HMGB1: variants seen among roughly 807,000 people sequenced by gnomAD.
HMGB1 encodes high mobility group protein B1.
For synonymous variants in HMGB1, 81 were observed against 84.0 expected (o/e 0.96, Z 0.19); for missense variants, 79 against 253.5 (o/e 0.31, Z 4.67).
In HMGB1 at chr13:30,463,694, T is replaced by C. The variant is rs200537410; in HGVS notation, c.-14A>G. ...TCCTTTGCCCATGTTTAGTTATTTTTCTAAAAAATAAAATAAATATTTGAT... is the reference window on the plus strand; with the variant it reads ...TCCTTTGCCCATGTTTAGTTATTTTCCTAAAAAATAAAATAAATATTTGAT... On this transcript the variant is annotated splice_region_variant and 5_prime_UTR_variant, in exon 2 of 5. Coordinates refer to ENST00000341423, the MANE Select transcript of HMGB1 (RefSeq NM_002128.7). 104 of 1,528,490 alleles carry C rather than the reference T, an allele frequency of 6.8e-5. No homozygotes were observed. Among genetic ancestry groups the C allele is most frequent in the African/African-American group, 1.4e-5 (1 of 71,868 alleles). The allele number at this position is 1,528,490 out of a possible 1,614,324, so 94.7% of individuals were successfully genotyped here. A position where few individuals can be genotyped will look rare whatever the true frequency, so the allele number is the denominator to read the frequency against.
At position 30,594,406 on chromosome 13, in the gene HMGB1, T is replaced by C. The variant is rs752938087; in HGVS notation, c.-15+22265A>G. On this transcript the variant is annotated intron_variant, in intron 1 of 4. Transcript: ENST00000405805. ...CCCTCCTTGCTTTTGGAGTTCCCAGTGTCTACTGTTCCCATCTTTATGTCC... is the reference window on the plus strand; with the variant it reads ...CCCTCCTTGCTTTTGGAGTTCCCAGCGTCTACTGTTCCCATCTTTATGTCC... 2.6e-5 allele frequency among the ~76,000 whole-genome samples: 4 copies of C among 152,186 alleles called. 1 individual carries two copies. Among genetic ancestry groups the C allele is most frequent in the Non-Finnish European group, 5.9e-5 (4 of 68,028 alleles).
intron 1 of HMGB1, among the ~76,000 whole-genome samples, chr13:30,584,206 C>T (rs1367019788): frequency 6.6e-6 from 1 of 152,200 alleles, no homozygotes; most frequent in Non-Finnish European, 1.5e-5. Context: ...ACAGCTCCTT[C>T]CATTCTATTG....
chr13:30,463,458 T>A, intron 2 of HMGB1, 73 bp downstream of exon 2: 1 of 1,549,120 alleles, frequency 6.5e-7, no homozygotes, highest in Admixed American at 1.9e-5. Flanking sequence ...GAATGCCAAC[T>A]AGGCTTTTTT....
At chr13:30,537,580 C>G (rs545588602) in intron 1 of HMGB1, among the ~76,000 whole-genome samples, 7 of 148,042 alleles carry the variant, frequency 4.7e-5, no homozygotes, top group African/African-American at 1.5e-4. Flanking sequence ...CTCCTGGTCT[C>G]TTTCATTCAC....
intron 1 of HMGB1, among the ~76,000 whole-genome samples, chr13:30,530,292 T>C (rs1888465568): frequency 6.6e-6 from 1 of 152,172 alleles, no homozygotes; most frequent in Non-Finnish European, 1.5e-5. Context: ...TAGATTTGGG[T>C]CCCATGCCCA....
At chr13:30,501,844 A>C (rs1012557889) in intron 1 of HMGB1, among the ~76,000 whole-genome samples, 4 of 152,210 alleles carry the variant, frequency 2.6e-5, no homozygotes, top group Admixed American at 6.5e-5. Context: ...ATGTAAAGGC[A>C]ATACCAAATA....
At chr13:30,562,152 C>T (rs1240368309) in intron 1 of HMGB1, among the ~76,000 whole-genome samples, 3 of 152,008 alleles carry the variant, frequency 2.0e-5, no homozygotes, top group African/African-American at 7.3e-5. Context: ...CAAAATCCCA[C>T]CTCTACTAAA....
chr13:30,608,587 G>A (rs985628745), intron 1 of HMGB1, among the ~76,000 whole-genome samples: 1 of 152,126 alleles, frequency 6.6e-6, no homozygotes, highest in African/African-American at 2.4e-5. Context: ...TCTGAGGCTC[G>A]GCCAACTTCC....
chr13:30,570,920 A>G (rs1042738329), intron 1 of HMGB1, among the ~76,000 whole-genome samples: 2 of 152,228 alleles, frequency 1.3e-5, no homozygotes, highest in Admixed American at 6.5e-5. Flanking sequence ...CTCTAAATAT[A>G]TTACCTAATG....
In HMGB1 at chr13:30,604,871, G is replaced by A. The variant is rs552504506; in HGVS notation, c.-15+11800C>T. On this transcript the variant is annotated intron_variant, in intron 1 of 4. Transcript: ENST00000405805. Reference sequence around the variant, plus strand: ...GACAGGGTTTCACCATGTTAGCCAGGATGGTCTCCATCTCCTGATCCCGTG... The same window carrying A: ...GACAGGGTTTCACCATGTTAGCCAGAATGGTCTCCATCTCCTGATCCCGTG... 3.2e-4 allele frequency among the ~76,000 whole-genome samples: 48 copies of A among 152,202 alleles called. No homozygotes were observed. In the Middle Eastern group the frequency reaches 0.014, roughly 43 times the overall value.
At chr13:30,523,616 T>C (rs367745111) in intron 1 of HMGB1, among the ~76,000 whole-genome samples, 1 of 152,194 alleles carries the variant, frequency 6.6e-6, no homozygotes, top group East Asian at 1.9e-4. Flanking sequence ...CATATGCTGG[T>C]GTGGTTGAAA....
chr13:30,473,249 T>C (rs536888861), intron 1 of HMGB1, among the ~76,000 whole-genome samples: 4 of 152,282 alleles, frequency 2.6e-5, no homozygotes, highest in Admixed American at 6.5e-5. Context: ...GCATTGATGA[T>C]AGCCATCAAT....
intron 1 of HMGB1, among the ~76,000 whole-genome samples, chr13:30,553,148 C>T (rs1046019129): frequency 5.9e-5 from 9 of 152,308 alleles, no homozygotes; most frequent in Admixed American, 3.9e-4. Context: ...CCCACAGGAT[C>T]AAGTAGCAGA....
intron 1 of HMGB1, among the ~76,000 whole-genome samples, chr13:30,488,197 A>G (rs1296814927): frequency 6.6e-6 from 1 of 152,258 alleles, no homozygotes; most frequent in Non-Finnish European, 1.5e-5. Flanking sequence ...CAAACTTCAT[A>G]TACTAAATAG....
intron 1 of HMGB1, among the ~76,000 whole-genome samples, chr13:30,585,667 A>G (rs1231532908): frequency 6.7e-6 from 1 of 149,216 alleles, no homozygotes; most frequent in African/African-American, 2.5e-5. Flanking sequence ...CTCCATCTCA[A>G]AAAAAAAAAG....
chr13:30,586,893 C>G (rs1018357682), intron 1 of HMGB1, among the ~76,000 whole-genome samples: 1 of 152,130 alleles, frequency 6.6e-6, no homozygotes. Flanking sequence ...GTCCCTACCT[C>G]CCTCAATAAC....
At chr13:30,563,386 A>G (rs1206224643) in intron 1 of HMGB1, among the ~76,000 whole-genome samples, 1 of 152,158 alleles carries the variant, frequency 6.6e-6, no homozygotes, top group African/African-American at 2.4e-5. Flanking sequence ...AGGCAGGAGG[A>G]TCACTTAACT....
intron 4 of HMGB1, 154 bp from the exon 5 acceptor site, chr13:30,461,687 A>C: frequency 6.4e-7 from 1 of 1,569,000 alleles, no homozygotes; most frequent in Non-Finnish European, 8.7e-7. Flanking sequence ...AAATAACTAG[A>C]ACTTCAATAA....
At chr13:30,478,620 A>G (rs972933874) in intron 1 of HMGB1, among the ~76,000 whole-genome samples, 2 of 152,218 alleles carry the variant, frequency 1.3e-5, no homozygotes, top group Non-Finnish European at 2.9e-5. Flanking sequence ...GAATATACTA[A>G]TAAATGTTAA....
Sources: gnomAD v4.1 joint callset for allele counts (sites outside exome capture counted in the v4.1 genomes callset) on GRCh38, gnomAD v4.1.1 for gene constraint, MANE v1.5 for transcripts, NCBI Gene and HGNC (gene_info 2026-07-23, HGNC 2026-07-21) for gene names.